CNTNAP2: variants seen among roughly 807,000 people sequenced by gnomAD.
The protein encoded by CNTNAP2 is contactin-associated protein-like 2.
Under a neutral mutation model 155.2 loss-of-function variants are expected in CNTNAP2, and 98 were observed. That is an observed-to-expected ratio of 0.63 (90% CI 0.54 to 0.75). The LOEUF (loss-of-function observed/expected upper bound fraction) is 0.75. CNTNAP2 is among the 30% of genes least tolerant of loss of function. The pLI is 0.00. For missense variants in CNTNAP2, 1,727 were observed against 1,688.1 expected, an observed-to-expected ratio of 1.02 and a Z score of -0.40; for synonymous variants, 651 against 631.2, an observed-to-expected ratio of 1.03 and a Z score of -0.47.
chr7:147,865,290 G>A (rs1027986554), intron 13 of CNTNAP2, among the ~76,000 whole-genome samples: 3 of 152,174 alleles, frequency 2.0e-5, no homozygotes, highest in African/African-American at 4.8e-5. Flanking sequence ...CTTGATCATG[G>A]TGGATAAGCT....
At chr7:148,288,944 CAAAAAAAAA>C (rs58641348) in intron 21 of CNTNAP2, among the ~76,000 whole-genome samples, 447 of 101,764 alleles carry the variant, frequency 4.4e-3, no homozygotes, top group African/African-American at 9.0e-3. Context: ...TCTTATTCAG[CAAAAAAAAA>C]AAAAAAAAAA....
chr7:146,474,413 A>AT lies in CNTNAP2; in HGVS notation c.98-299846dup, dbSNP rs11291888. Among the ~76,000 whole-genome samples, 290 of 144,312 alleles carry AT rather than the reference A, an allele frequency of 2.0e-3. 3 individuals carry two copies. The highest frequency in any genetic ancestry group is 0.011 in the Middle Eastern group (3 of 278). The allele number at this position is 144,312 out of a possible 152,430, so 94.7% of individuals were successfully genotyped here. Reference sequence around the variant, plus strand: ...CTTCTTATTTTATTTATTTATTTGTATTTTTTTTTTTTACCATGGTCTACC... The same window carrying AT: ...CTTCTTATTTTATTTATTTATTTGTATTTTTTTTTTTTTACCATGGTCTACC... On this transcript the variant is annotated intron_variant, in intron 1 of 23. Transcript: ENST00000361727.
intron 15 of CNTNAP2, among the ~76,000 whole-genome samples, chr7:147,993,219 C>A (rs960474718): frequency 1.3e-5 from 2 of 152,100 alleles, no homozygotes; most frequent in Admixed American, 6.6e-5. Flanking sequence ...AGGCAAAAAC[C>A]AACACTTTGT....
chr7:146,972,480 C>T (rs940710217), intron 3 of CNTNAP2, among the ~76,000 whole-genome samples: 1 of 152,004 alleles, frequency 6.6e-6, no homozygotes, highest in African/African-American at 2.4e-5. Context: ...ATACATAGCA[C>T]AAAAGAATTA....
intron 11 of CNTNAP2, among the ~76,000 whole-genome samples, chr7:147,500,573 A>G (rs1012012680): frequency 6.6e-6 from 1 of 152,154 alleles, no homozygotes; most frequent in African/African-American, 2.4e-5. Context: ...CTTGGTAAGT[A>G]TTAAATACAA....
intron 18 of CNTNAP2, among the ~76,000 whole-genome samples, chr7:148,194,803 C>T (rs1028323089): frequency 2.6e-5 from 4 of 152,228 alleles, no homozygotes; most frequent in Middle Eastern, 3.4e-3. Context: ...TCCATCTGGC[C>T]CCTCAATGGA....
chr7:146,936,475 G>A (rs940592488), intron 3 of CNTNAP2, among the ~76,000 whole-genome samples: 2 of 152,128 alleles, frequency 1.3e-5, no homozygotes, highest in African/African-American at 4.8e-5. Flanking sequence ...CATTTACGAT[G>A]GTGATAGTGA....
intron 9 of CNTNAP2, among the ~76,000 whole-genome samples, chr7:147,378,821 C>T (rs1020219547): frequency 9.2e-5 from 14 of 151,842 alleles, no homozygotes; most frequent in African/African-American, 3.4e-4. Flanking sequence ...CTGGAGTATC[C>T]ATTTATTTCC....
intron 3 of CNTNAP2, among the ~76,000 whole-genome samples, chr7:146,884,166 G>A (rs1186368934): frequency 6.6e-6 from 1 of 152,106 alleles, no homozygotes; most frequent in African/African-American, 2.4e-5. Context: ...AGTTAGCTCT[G>A]TGAAATCCAG....
chr7:147,802,261 G>A (rs1284463202), intron 13 of CNTNAP2, among the ~76,000 whole-genome samples: 3 of 149,964 alleles, frequency 2.0e-5, no homozygotes, highest in South Asian at 2.1e-4. Context: ...ATGGGATGGC[G>A]GCCGGGCAGA....
intron 3 of CNTNAP2, among the ~76,000 whole-genome samples, chr7:146,911,266 G>T (rs1796269487): frequency 6.6e-6 from 1 of 152,038 alleles, no homozygotes; most frequent in Non-Finnish European, 1.5e-5. Context: ...CAGGGATCTA[G>T]AACTAGAAAT....
chr7:146,319,384 AT>A (rs1306136136), intron 1 of CNTNAP2, among the ~76,000 whole-genome samples: 3 of 152,194 alleles, frequency 2.0e-5, no homozygotes, highest in Non-Finnish European at 4.4e-5. Context: ...AGGCTATCAT[AT>A]TAGTATAATT....
intron 12 of CNTNAP2, among the ~76,000 whole-genome samples, chr7:147,576,091 CTAT>C (rs71777511): frequency 7.5e-6 from 1 of 133,288 alleles, no homozygotes; most frequent in African/African-American, 2.8e-5. Context: ...ATATAAATTA[CTAT>C]TATTATTATT....
intron 13 of CNTNAP2, among the ~76,000 whole-genome samples, chr7:147,710,610 A>G (rs896468175): frequency 2.0e-5 from 3 of 152,136 alleles, no homozygotes; most frequent in Non-Finnish European, 4.4e-5. Flanking sequence ...TTATCATAAC[A>G]TTGACTATAC....
chr7:148,095,607 CT>C (rs1233339433), intron 15 of CNTNAP2, among the ~76,000 whole-genome samples: 1 of 152,198 alleles, frequency 6.6e-6, no homozygotes, highest in Non-Finnish European at 1.5e-5. Context: ...AGCAAGCTGC[CT>C]TTTCAGCAAG....
At chr7:147,493,503 T>A (rs1798644451) in intron 11 of CNTNAP2, among the ~76,000 whole-genome samples, 1 of 152,182 alleles carries the variant, frequency 6.6e-6, no homozygotes, top group Admixed American at 6.5e-5. Context: ...CACTTATTCA[T>A]TCATCAATAT....
chr7:146,923,609 CTT>C (rs1458050199), intron 3 of CNTNAP2, among the ~76,000 whole-genome samples: 1 of 152,156 alleles, frequency 6.6e-6, no homozygotes, highest in African/African-American at 2.4e-5. Context: ...AGATCTCACT[CTT>C]TAGTGGCTGT....
chr7:147,382,619 G>C (rs1796554242), intron 9 of CNTNAP2, among the ~76,000 whole-genome samples: 1 of 152,160 alleles, frequency 6.6e-6, no homozygotes, highest in Admixed American at 6.6e-5. Flanking sequence ...TCAGAGGAGA[G>C]AGCTGAGACA....
At chr7:146,425,064 T>G (rs556003821) in intron 1 of CNTNAP2, among the ~76,000 whole-genome samples, 1 of 152,212 alleles carries the variant, frequency 6.6e-6, no homozygotes, top group Non-Finnish European at 1.5e-5. Flanking sequence ...AGATCCACCA[T>G]GACATCCGTA....
Sources: allele counts gnomAD v4.1 joint callset (sites outside exome capture counted in the v4.1 genomes callset), GRCh38; gene constraint gnomAD v4.1.1; transcripts MANE v1.5; gene names NCBI Gene and HGNC (gene_info 2026-07-23, HGNC 2026-07-21).